MYH7B: variants seen among roughly 807,000 people sequenced by gnomAD.
MYH7B encodes myosin heavy chain 7B, also known as myosin-7B.
Under a neutral mutation model 234.5 loss-of-function variants are expected in MYH7B, and 205 were observed. The ratio of observed to expected loss-of-function variants is 0.87; its 90% CI spans 0.78 to 0.98. MYH7B has a LOEUF of 0.98. Among genes scored for constraint, MYH7B ranks in the 50% least tolerant of loss-of-function variants. MYH7B has a pLI of 0.00. For missense variants in MYH7B, 2,652 were observed against 2,633.4 expected, an observed-to-expected ratio of 1.01 and a Z score of -0.15; for synonymous variants, 1,193 against 1,105.0, an observed-to-expected ratio of 1.08 and a Z score of -1.58.
chr20:35,002,036 C>A (rs751392240), exon 44 of MYH7B: 1 of 1,614,034 alleles, frequency 6.2e-7, no homozygotes, highest in South Asian at 1.1e-5. Flanking sequence ...ATGGCGGAAA[C>A]CCAGGCCAAC....
At chr20:34,981,094 T>G (rs2081935447) in intron 9 of MYH7B, 34 bp downstream of exon 9, 1 of 1,612,796 alleles carries the variant, frequency 6.2e-7, no homozygotes, top group South Asian at 1.1e-5. Flanking sequence ...GGGTGGAAAA[T>G]GCTGGCCATC....
At chr20:34,977,738 G>GGGT in intron 4 of MYH7B, 58 bp downstream of exon 4, 14 of 317,130 alleles carry the variant, frequency 4.4e-5, no homozygotes, top group Non-Finnish European at 5.3e-5. Context: ...GGGCGGGTGG[G>GGGT]TGAGGGTGCC....
At chr20:34,998,893 A>G in exon 35 of MYH7B, 3 of 1,612,758 alleles carry the variant, frequency 1.9e-6, no homozygotes, top group Non-Finnish European at 2.5e-6. Flanking sequence ...CATCCAGAGG[A>G]CCGAGGAGCT....
Position 34,975,516 on chromosome 20 carries a change from A to G in MYH7B, c.-122+17A>G. 2.8e-6 allele frequency: 2 copies of G among 710,992 alleles called. No individual in the cohort carries two copies. The highest frequency in any genetic ancestry group is 5.2e-6 in the Non-Finnish European group (2 of 381,068). 44.0% of individuals were successfully genotyped at this position (710,992 alleles called of 1,614,324 possible). A position where few individuals can be genotyped will look rare whatever the true frequency, so the allele number is the denominator to read the frequency against. Reference sequence around the variant, plus strand: ...AGACATGAGGTACTGTGCCTGACCCAGGGTATGTTTACTTTGAGAAAATTC... The same window carrying G: ...AGACATGAGGTACTGTGCCTGACCCGGGGTATGTTTACTTTGAGAAAATTC... On this transcript the variant is annotated intron_variant, in intron 3 of 44. Coordinates refer to ENST00000262873, the Ensembl canonical transcript of MYH7B.
intron 3 of MYH7B, among the ~76,000 whole-genome samples, chr20:34,976,472 C>T (rs1048068395): frequency 1.7e-4 from 26 of 152,176 alleles, no homozygotes; most frequent in Non-Finnish European, 2.9e-4. Flanking sequence ...CGTCACGGAG[C>T]CCTGAATGGG....
At chr20:34,997,330 C>G (rs777685720) in exon 32 of MYH7B, 3 of 1,546,854 alleles carry the variant, frequency 1.9e-6, no homozygotes, top group Non-Finnish European at 2.6e-6. Context: ...CGTGCAGAGG[C>G]GGCGCGGGAG....
exon 10 of MYH7B, chr20:34,982,480 G>C: frequency 6.2e-7 from 1 of 1,614,090 alleles, no homozygotes; most frequent in Non-Finnish European, 8.5e-7. Flanking sequence ...GGGCCGGTAA[G>C]ACGGTTAACA....
chr20:34,988,374 G>C, intron 19 of MYH7B, 112 bp downstream of exon 19: 1 of 1,231,302 alleles, frequency 8.1e-7, no homozygotes. Context: ...GGAAGCGTGT[G>C]ACTGTGCGTT....
chr20:34,977,489 C>T, intron 3 of MYH7B, 143 bp from the exon 4 acceptor site: 1 of 733,298 alleles, frequency 1.4e-6, no homozygotes, highest in South Asian at 1.7e-5. Context: ...TTTGTGATCC[C>T]CTGACAATGG....
chr20:34,980,664 A>G, exon 8 of MYH7B: 1 of 1,614,184 alleles, frequency 6.2e-7, no homozygotes, highest in Non-Finnish European at 8.5e-7. Context: ...CTTACAAGGG[A>G]AAGCGCCGCT....
intron 24 of MYH7B, among the ~76,000 whole-genome samples, chr20:34,992,255 G>A (rs1180240211): frequency 6.6e-6 from 1 of 151,796 alleles, no homozygotes; most frequent in East Asian, 2.0e-4. Context: ...GCGTGGTGGC[G>A]GGAGCCTGTA....
In MYH7B at chr20:34,977,485, AT is replaced by A. The variant is rs2081872866; in HGVS notation, c.-121-146del. ...TGGAGTGTCTCTCTCCGCCTTTGTGATCCCCTGACAATGGGAGGTAAAAATA... is the reference window on the plus strand; with the variant it reads ...TGGAGTGTCTCTCTCCGCCTTTGTGACCCCTGACAATGGGAGGTAAAAATA... On this transcript the variant is annotated intron_variant, in intron 3 of 44. Coordinates refer to ENST00000262873, the Ensembl canonical transcript of MYH7B. The A allele has an allele frequency of 4.2e-6, 3 of 711,234 alleles. No homozygotes were observed. In the Admixed American group the frequency reaches 6.9e-5, roughly 16 times the overall value. The allele number at this position is 711,234 out of a possible 1,614,324, so 44.1% of individuals were successfully genotyped here. A position where few individuals can be genotyped will look rare whatever the true frequency, so the allele number is the denominator to read the frequency against.
intron 7 of MYH7B, 86 bp from the exon 8 acceptor site, chr20:34,980,492 C>G: frequency 8.1e-7 from 1 of 1,241,882 alleles, no homozygotes; most frequent in Non-Finnish European, 1.2e-6. Flanking sequence ...GAGCCGAGAT[C>G]ATGCCGTTGT....
chr20:34,966,803 A>G (rs367651177), intron 2 of MYH7B, among the ~76,000 whole-genome samples: 6 of 152,280 alleles, frequency 3.9e-5, no homozygotes, highest in African/African-American at 1.4e-4. Context: ...AGGCACGCCT[A>G]TAGTCCCAGC....
exon 17 of MYH7B, chr20:34,987,672 G>C: frequency 6.2e-7 from 1 of 1,613,086 alleles, no homozygotes; most frequent in Non-Finnish European, 8.5e-7. Context: ...AGAGTGTGGA[G>C]CAGGTGAGCT....
At chr20:34,987,360 C>T in intron 16 of MYH7B, 73 bp downstream of exon 16, 1 of 1,577,184 alleles carries the variant, frequency 6.3e-7, no homozygotes, top group Non-Finnish European at 8.6e-7. Flanking sequence ...AACCCCAACT[C>T]TTGTCCACAA....
rs374014794 is a variant in MYH7B, at chr20:35,000,805, C to T, written c.5216C>T (p.Ala1739Val). ...CTAAACCAGAAGAAGAAGCTGGAGG[C>T]GGACTTGGCCCAGCTGAGCGGGGAG... is the stretch of plus-strand genomic sequence containing the variant. Residue 1739 changes from alanine (A) to valine (V), a missense_variant, in exon 40 of 45, where the codon GCG (alanine) becomes GTG (valine). This residue lies in a region of MYH7B where 2,279 missense variants were observed against 2,211.4 expected (regional missense o/e 1.03). Coordinates refer to ENST00000262873, the Ensembl canonical transcript of MYH7B. The T allele has an allele frequency of 5.0e-5, 80 of 1,613,808 alleles. No homozygotes were observed. Among genetic ancestry groups the T allele is most frequent in the South Asian group, 3.8e-4 (35 of 91,058 alleles).
At chr20:34,986,796 C>A in intron 14 of MYH7B, 90 bp from the exon 15 acceptor site, 3 of 1,064,382 alleles carry the variant, frequency 2.8e-6, no homozygotes, top group Non-Finnish European at 4.3e-6. Flanking sequence ...GCTGGGCTTG[C>A]CCCCGCAGGA....
intron 3 of MYH7B, among the ~76,000 whole-genome samples, chr20:34,976,961 G>C (rs552877460): frequency 6.6e-6 from 1 of 152,332 alleles, no homozygotes; most frequent in Admixed American, 6.5e-5. Flanking sequence ...GCCTCTGGGA[G>C]GCAGGCGATG....
Sources: allele counts gnomAD v4.1 joint callset (sites outside exome capture counted in the v4.1 genomes callset), GRCh38; gene constraint gnomAD v4.1.1; regional missense constraint gnomAD v4.1.1; transcripts MANE v1.5; gene names NCBI Gene and HGNC (gene_info 2026-07-23, HGNC 2026-07-21).